Variants in KCNH5 observed in about 807,000 individuals in gnomAD.
KCNH5 encodes voltage-gated delayed rectifier potassium channel KCNH5.
KCNH5 carries 46 observed loss-of-function variants against 96.1 expected under a neutral mutation model. That is an observed-to-expected ratio of 0.48 (90% CI 0.38 to 0.61). The LOEUF is 0.61. KCNH5 is among the 20% of genes least tolerant of loss of function. KCNH5 has a pLI of 0.00. For missense variants in KCNH5, 907 were observed against 1,225.8 expected (o/e 0.74, Z 3.88); for synonymous variants, 439 against 449.8 (o/e 0.98, Z 0.30).
intron 8 of KCNH5, among the ~76,000 whole-genome samples, chr14:62,818,113 G>T (rs542357385): frequency 2.3e-5 from 3 of 128,484 alleles, no homozygotes; most frequent in African/African-American, 8.2e-5. Context: ...TGGGGGCGGG[G>T]GGGGGGTGGA....
chr14:63,043,639 T>G (rs1891867505), intron 1 of KCNH5, among the ~76,000 whole-genome samples: 1 of 152,230 alleles, frequency 6.6e-6, no homozygotes, highest in Non-Finnish European at 1.5e-5. Context: ...TGCTTTAGAC[T>G]TTTATTGTTT....
intron 10 of KCNH5, among the ~76,000 whole-genome samples, chr14:62,716,788 G>A (rs1044304336): frequency 2.6e-5 from 4 of 152,118 alleles, no homozygotes; most frequent in Non-Finnish European, 5.9e-5. Flanking sequence ...GTATTGGGGG[G>A]TTCTAGCCAA....
At chr14:62,985,206 ATATT>A (rs1169717829) in intron 5 of KCNH5, among the ~76,000 whole-genome samples, 1 of 152,180 alleles carries the variant, frequency 6.6e-6, no homozygotes, top group African/African-American at 2.4e-5. Flanking sequence ...TTACTAGTTA[ATATT>A]TAGTTATATT....
At position 62,704,206 on chromosome 14, in the gene KCNH5, G is replaced by A. The variant is rs1467625649; in HGVS notation, c.*3302C>T. 2.0e-5 allele frequency: 3 copies of A among 151,698 alleles called. No individual in the cohort carries two copies. The highest frequency in any genetic ancestry group is 4.4e-5 in the Non-Finnish European group (3 of 67,746). 9.4% of individuals were successfully genotyped at this position (151,698 alleles called of 1,614,324 possible). On this transcript the variant is annotated 3_prime_UTR_variant, in exon 11 of 11. Transcript: ENST00000322893. Reference sequence around the variant, plus strand: ...CCCCAGATTTTCCATTTTTTTCTCTGATATACATAAAGTTGTTTGTAAAAA... The same window carrying A: ...CCCCAGATTTTCCATTTTTTTCTCTAATATACATAAAGTTGTTTGTAAAAA...
At chr14:62,797,918 T>C (rs1274065902) in intron 9 of KCNH5, among the ~76,000 whole-genome samples, 1 of 152,058 alleles carries the variant, frequency 6.6e-6, no homozygotes, top group African/African-American at 2.4e-5. Context: ...GGTTTCACCA[T>C]GTTGGCCAGA....
intron 7 of KCNH5, among the ~76,000 whole-genome samples, chr14:62,908,666 G>A (rs1889077381): frequency 1.3e-5 from 2 of 152,036 alleles, no homozygotes; most frequent in African/African-American, 2.4e-5. Flanking sequence ...AGCTATAGCT[G>A]GAGGAATCAG....
chr14:62,892,799 A>G (rs763766612), intron 7 of KCNH5, among the ~76,000 whole-genome samples: 3 of 152,194 alleles, frequency 2.0e-5, no homozygotes, highest in Admixed American at 1.3e-4. Context: ...ATGACAACAC[A>G]TATGTTTAAA....
intron 4 of KCNH5, among the ~76,000 whole-genome samples, chr14:62,988,655 T>A (rs1198702464): frequency 6.6e-6 from 1 of 151,792 alleles, no homozygotes. Flanking sequence ...TTGGGAATTG[T>A]ATGCAACCCT....
At chr14:62,782,896 T>C (rs183957719) in intron 9 of KCNH5, among the ~76,000 whole-genome samples, 1 of 152,196 alleles carries the variant, frequency 6.6e-6, no homozygotes, top group East Asian at 1.9e-4. Context: ...TTTATACAGA[T>C]GAATTTCAGA....
chr14:62,981,765 G>A (rs1016565164), intron 5 of KCNH5, among the ~76,000 whole-genome samples: 1 of 152,190 alleles, frequency 6.6e-6, no homozygotes, highest in Admixed American at 6.5e-5. Context: ...GCAGTGTAAA[G>A]GGTTGTAAAG....
chr14:62,896,759 T>C (rs1888821747), intron 7 of KCNH5, among the ~76,000 whole-genome samples: 2 of 152,202 alleles, frequency 1.3e-5, no homozygotes, highest in African/African-American at 4.8e-5. Flanking sequence ...TTGAGTCTTT[T>C]CAGTCCCAGT....
At chr14:62,754,698 C>T (rs920363294) in intron 10 of KCNH5, among the ~76,000 whole-genome samples, 24 of 151,562 alleles carry the variant, frequency 1.6e-4, no homozygotes, top group African/African-American at 5.8e-4. Flanking sequence ...CATGCAAAAT[C>T]CCATCTCTAC....
chr14:62,899,912 C>T (rs2140092273), intron 7 of KCNH5, among the ~76,000 whole-genome samples: 1 of 152,160 alleles, frequency 6.6e-6, no homozygotes, highest in South Asian at 2.1e-4. Context: ...TAACCTAAGG[C>T]ACATATTTTT....
At chr14:62,903,451 G>GA (rs1222018708) in intron 7 of KCNH5, among the ~76,000 whole-genome samples, 12 of 152,154 alleles carry the variant, frequency 7.9e-5, no homozygotes, top group Admixed American at 4.6e-4. Context: ...TCTCAAATTG[G>GA]AAAAAAATAT....
At chr14:62,787,800 T>G (rs965183010) in intron 9 of KCNH5, among the ~76,000 whole-genome samples, 1 of 152,184 alleles carries the variant, frequency 6.6e-6, no homozygotes, top group Admixed American at 6.5e-5. Context: ...TGACAGTGCA[T>G]CTGTTTATAG....
chr14:62,775,394 A>T lies in KCNH5; in HGVS notation c.2019+4334T>A, dbSNP rs528468141. ...CCACAGAATTTTAAAAACAAATCAA[A>T]TCAATTACCAAACAAATGTGTTTTC... On this transcript the variant is annotated intron_variant, in intron 10 of 10. Transcript: ENST00000322893. Among the ~76,000 whole-genome samples, 9 of 152,318 alleles carry T rather than the reference A, an allele frequency of 5.9e-5. No individual in the cohort carries two copies. In the East Asian group the frequency reaches 1.7e-3, roughly 29 times the overall value.
intron 1 of KCNH5, among the ~76,000 whole-genome samples, chr14:63,018,459 TA>T (rs1307761146): frequency 6.6e-6 from 1 of 151,946 alleles, no homozygotes; most frequent in African/African-American, 2.4e-5. Context: ...GGTAAAGGGC[TA>T]AAGAGATGGA....
chr14:62,798,745 C>A (rs770311597), intron 9 of KCNH5, among the ~76,000 whole-genome samples: 4 of 152,156 alleles, frequency 2.6e-5, no homozygotes, highest in Non-Finnish European at 5.9e-5. Flanking sequence ...ATTAGTTATG[C>A]TTCAGAACTT....
In KCNH5 at chr14:62,703,997, T is replaced by G. The variant is rs1884386862; in HGVS notation, c.*3511A>C. Reference sequence around the variant, plus strand: ...GACTTTAGCTATTTAAAATAAGATATCAAATGGACCAGATATCACAGGGTG... The same window carrying G: ...GACTTTAGCTATTTAAAATAAGATAGCAAATGGACCAGATATCACAGGGTG... On this transcript the variant is annotated 3_prime_UTR_variant, in exon 11 of 11. Coordinates refer to ENST00000322893, the MANE Select transcript of KCNH5 (RefSeq NM_139318.5). The G allele has an allele frequency of 6.6e-6, 1 of 151,788 alleles. No individual in the cohort carries two copies. The allele number at this position is 151,788 out of a possible 1,614,324, so 9.4% of individuals were successfully genotyped here.
Sources: allele counts gnomAD v4.1 joint callset (sites outside exome capture counted in the v4.1 genomes callset), GRCh38; gene constraint gnomAD v4.1.1; transcripts MANE v1.5; gene names NCBI Gene and HGNC (gene_info 2026-07-23, HGNC 2026-07-21).